The following SPTA1 variants were observed in gnomAD, a reference collection of about 807,000 sequenced individuals.
SPTA1 encodes the protein spectrin alpha, erythrocytic 1.
SPTA1 carries 177 observed loss-of-function variants against 324.7 expected under a neutral mutation model. That is an observed-to-expected ratio of 0.55 (90% CI 0.48 to 0.62). The LOEUF (loss-of-function observed/expected upper bound fraction) is 0.62. Ranked by LOEUF, SPTA1 falls within the 20% of genes least tolerant of loss-of-function variation. The pLI, the probability that SPTA1 is intolerant of heterozygous loss-of-function variation, is 0.00. For missense variants in SPTA1, 3,162 were observed against 2,883.6 expected, an observed-to-expected ratio of 1.10 and a Z score of -2.21; for synonymous variants, 1,195 against 1,041.3, an observed-to-expected ratio of 1.15 and a Z score of -2.84.
At chr1:158,641,378 C>A (rs1651557987) in intron 33 of SPTA1, among the ~76,000 whole-genome samples, 1 of 152,144 alleles carries the variant, frequency 6.6e-6, no homozygotes, top group Non-Finnish European at 1.5e-5. Context: ...AGGCAACCTA[C>A]AGAATGGGAG....
At chr1:158,618,416 T>C (rs34570453) in intron 45 of SPTA1, among the ~76,000 whole-genome samples, 40,803 of 152,112 alleles carry the variant, frequency 0.27, 5,633 homozygotes, top group Middle Eastern at 0.33. Flanking sequence ...GGATTTCTTT[T>C]TGTTCATTTA....
At position 158,639,929 on chromosome 1, in the gene SPTA1, C is replaced by T. The variant is rs769462612; in HGVS notation, c.4816G>A (p.Ala1606Thr). 6.2e-7 allele frequency: 1 copy of T among 1,613,900 alleles called. No homozygotes were observed. Among genetic ancestry groups the T allele is most frequent in the Admixed American group, 1.7e-5 (1 of 59,952 alleles). ...GTGTTGAACCTCTGTTGACGACTGG[C>T]CTCATTGAGCTTCTTCCCTTTGTCA... ...TNDKGKKLNE[A>T]SRQQRFNTSI... is the part of the protein sequence containing the mutation. The change falls in exon 34 of 52, where the codon GCC becomes ACC. Residue 1606 changes from alanine (A) to threonine (T), a missense_variant. Ala to Thr is a moderately conservative substitution (Grantham distance 58, BLOSUM62 0). Coordinates refer to ENST00000643759, the MANE Select transcript of SPTA1 (RefSeq NM_003126.4).
At chr1:158,672,934 CA>C (rs11343153) in intron 10 of SPTA1, among the ~76,000 whole-genome samples, 19,271 of 133,342 alleles carry the variant, frequency 0.14, 3,771 homozygotes, top group African/African-American at 0.45. Context: ...CGGTTTCTAC[CA>C]AAAAAAAAAA....
intron 10 of SPTA1, 140 bp from the exon 11 acceptor site, chr1:158,672,336 G>T: frequency 1.2e-6 from 1 of 807,126 alleles, no homozygotes; most frequent in Non-Finnish European, 2.0e-6. Context: ...CAACTTTTAA[G>T]CAAATGATTG....
At position 158,681,622 on chromosome 1, in the gene SPTA1, G is replaced by A. The variant is rs376823216; in HGVS notation, c.436C>T (p.Leu146=). The A allele has an allele frequency of 6.9e-5, 111 of 1,613,792 alleles. No homozygotes were observed. In the South Asian group the frequency reaches 9.8e-4, roughly 14 times the overall value. ...AACTGGTCACCCTTCTCCAGGGTCAGCTCTAACAGCAGGTCCCACAGGTGG... is the reference window on the plus strand; with the variant it reads ...AACTGGTCACCCTTCTCCAGGGTCAACTCTAACAGCAGGTCCCACAGGTGG... ...LRHLWDLLLE[L]TLEKGDQLLR... The change falls in exon 4 of 52, where the codon CTG becomes TTG. Residue 146 remains leucine, a synonymous_variant. Transcript: ENST00000643759.
In SPTA1 at chr1:158,644,312, C is replaced by T; in HGVS notation, c.4279G>A (p.Asp1427Asn). ...SLRSDDKSSL[D>N]SLEALMKKRD... is the part of the protein sequence containing the mutation. ...TTCTTCATCAAAGCCTCCAGACTGT[C>T]TAAGGAACTTTTGTCATCTGACCTC... Residue 1427 changes from aspartate (D) to asparagine (N), a missense_variant, in exon 30 of 52, where the codon GAC becomes AAC. Coordinates refer to ENST00000643759, the MANE Select transcript of SPTA1 (RefSeq NM_003126.4). 6.2e-7 allele frequency: 1 copy of T among 1,613,932 alleles called. No individual in the cohort carries two copies. The highest frequency in any genetic ancestry group is 8.5e-7 in the Non-Finnish European group (1 of 1,179,906).
At chr1:158,651,196 AG>A (rs1340884943) in intron 24 of SPTA1, among the ~76,000 whole-genome samples, 170 bp downstream of exon 24, 3 of 152,248 alleles carry the variant, frequency 2.0e-5, no homozygotes, top group African/African-American at 7.2e-5. Context: ...ACAAAAATAC[AG>A]GGACTATTTG....
chr1:158,622,762 C>G (rs1649997305), intron 43 of SPTA1: 3 of 505,034 alleles, frequency 5.9e-6, no homozygotes, highest in African/African-American at 1.9e-5. Context: ...TGCCTGGCTT[C>G]CATCTCAAGT....
Position 158,649,067 on chromosome 1 carries a change from T to C in SPTA1, c.3570-414A>G, listed in dbSNP as rs146332804. 2.8e-3 allele frequency among the ~76,000 whole-genome samples: 426 copies of C among 152,278 alleles called. 1 individual carries two copies. The highest frequency in any genetic ancestry group is 9.5e-3 in the African/African-American group (396 of 41,556). On this transcript the variant is annotated intron_variant, in intron 25 of 51. Coordinates refer to ENST00000643759, the MANE Select transcript of SPTA1 (RefSeq NM_003126.4). ...AGTCTGTTTTTCCTTCCCTGCATCA[T>C]CAAAAATACATTTATACACAATGAA... is the stretch of plus-strand genomic sequence containing the variant.
intron 33 of SPTA1, 52 bp from the exon 34 acceptor site, chr1:158,640,059 G>A: frequency 6.2e-7 from 1 of 1,613,160 alleles, no homozygotes; most frequent in African/African-American, 1.3e-5. Flanking sequence ...CCCGGGCCCT[G>A]TGACTACTTG....
chr1:158,640,324 G>C (rs1651451726), intron 33 of SPTA1, among the ~76,000 whole-genome samples: 1 of 152,142 alleles, frequency 6.6e-6, no homozygotes, highest in Non-Finnish European at 1.5e-5. Flanking sequence ...AGCTTTCTTA[G>C]TGTTCCAGGT....
chr1:158,644,573 T>C (rs1651853923), intron 29 of SPTA1, among the ~76,000 whole-genome samples, 177 bp from the exon 30 acceptor site: 1 of 152,246 alleles, frequency 6.6e-6, no homozygotes, highest in South Asian at 2.1e-4. Context: ...TTTCCAAACA[T>C]ACACTTTATG....
intron 7 of SPTA1, 131 bp from the exon 8 acceptor site, chr1:158,676,426 A>G (rs958846597): frequency 3.2e-6 from 3 of 931,692 alleles, no homozygotes; most frequent in Admixed American, 2.1e-5. Context: ...ATAGATTTCT[A>G]TTAATATACT....
At chr1:158,683,642 T>C in intron 2 of SPTA1, 146 bp from the exon 3 acceptor site, 2 of 1,038,046 alleles carry the variant, frequency 1.9e-6, no homozygotes, top group East Asian at 2.6e-5. Flanking sequence ...CCACTGGCTT[T>C]AGGAAGTTTT....
Position 158,656,567 on chromosome 1 carries a change from G to T in SPTA1, c.2895C>A (p.Cys965Ter). 1 of 1,612,792 alleles carries T rather than the reference G, an allele frequency of 6.2e-7. No individual in the cohort carries two copies. The highest frequency in any genetic ancestry group is 2.2e-5 in the East Asian group (1 of 44,850). The change falls in exon 20 of 52, where the codon TGC becomes TGA. Residue 965 changes from cysteine (C) to a stop codon, truncating the protein, a stop_gained. Coordinates refer to ENST00000643759, the MANE Select transcript of SPTA1 (RefSeq NM_003126.4). LOFTEE classifies it high-confidence loss of function. ...MKALRNQANACQQQQAAPVEG... is the reference protein window; with the variant it reads ...MKALRNQANA ...GTCATCGCTAAGTTAGTCTTACCTGGCAGGCGTTTGCCTGATTCCGCAGAG... is the reference window on the plus strand; with the variant it reads ...GTCATCGCTAAGTTAGTCTTACCTGTCAGGCGTTTGCCTGATTCCGCAGAG...
chr1:158,644,483 A>G, intron 29 of SPTA1, 87 bp from the exon 30 acceptor site: 1 of 1,535,996 alleles, frequency 6.5e-7, no homozygotes, highest in Non-Finnish European at 9.0e-7. Flanking sequence ...TCATGACACA[A>G]AGGGTTTTGC....
intron 15 of SPTA1, 37 bp from the exon 16 acceptor site, chr1:158,666,534 A>G (rs1205146501): frequency 6.4e-7 from 1 of 1,570,774 alleles, no homozygotes; most frequent in Non-Finnish European, 8.7e-7. Flanking sequence ...ATTAGGTACC[A>G]TAACTATTCC....
intron 4 of SPTA1, 21 bp from the exon 5 acceptor site, chr1:158,680,750 T>A (rs938212689): frequency 6.2e-7 from 1 of 1,613,054 alleles, no homozygotes; most frequent in Non-Finnish European, 8.5e-7. Flanking sequence ...AGAAGTTGAT[T>A]GAGTTGCCAG....
intron 22 of SPTA1, among the ~76,000 whole-genome samples, 195 bp downstream of exon 22, chr1:158,653,079 G>A (rs1052460671): frequency 2.6e-5 from 4 of 152,150 alleles, no homozygotes; most frequent in Non-Finnish European, 4.4e-5. Flanking sequence ...GAAATTGATG[G>A]AATGATTCTG....
Sources: gnomAD v4.1 joint callset for allele counts (sites outside exome capture counted in the v4.1 genomes callset) on GRCh38, gnomAD v4.1.1 for gene constraint, MANE v1.5 for transcripts, NCBI Gene and HGNC (gene_info 2026-07-23, HGNC 2026-07-21) for gene names.